The following NXPE2 variants were observed in gnomAD, a reference collection of about 807,000 sequenced individuals.
NXPE2 encodes neurexophilin and PC-esterase domain family member 2, also known as NXPE family member 2.
NXPE2 carries 34 observed loss-of-function variants against 34.4 expected under a neutral mutation model. The ratio of observed to expected loss-of-function variants is 0.99; its 90% confidence interval spans 0.75 to 1.31. NXPE2 has a LOEUF of 1.31. NXPE2 is among the 40% of genes most tolerant of loss of function. The probability of loss-of-function intolerance (pLI) is 0.00; values close to 1 mark genes in which losing one functional copy is unlikely to be tolerated. For missense variants in NXPE2, 649 were observed against 672.5 expected, an observed-to-expected ratio of 0.97 and a Z score of 0.39; for synonymous variants, 235 against 231.3, an observed-to-expected ratio of 1.02 and a Z score of -0.15.
the NXPE2 span, among the ~76,000 whole-genome samples, chr11:114,790,179 C>A: frequency 6.6e-6 from 1 of 152,136 alleles, no homozygotes; most frequent in Non-Finnish European, 1.5e-5. Flanking sequence ...CCTAATAGGG[C>A]TCAGCTAAGC....
At chr11:114,753,733 A>G in the NXPE2 span, among the ~76,000 whole-genome samples, 2 of 152,234 alleles carry the variant, frequency 1.3e-5, no homozygotes, top group African/African-American at 4.8e-5. Flanking sequence ...AGTGTGCCAA[A>G]TTAAATCGTA....
At chr11:114,470,667 T>C in the NXPE2 span, among the ~76,000 whole-genome samples, 4 of 151,486 alleles carry the variant, frequency 2.6e-5, no homozygotes, top group African/African-American at 9.7e-5. Context: ...CACATTATTG[T>C]GGGGGCTGGC....
At chr11:114,578,956 T>G in the NXPE2 span, among the ~76,000 whole-genome samples, 1 of 152,320 alleles carries the variant, frequency 6.6e-6, no homozygotes, top group Middle Eastern at 3.4e-3. Flanking sequence ...ATCCATTACT[T>G]CATTTAATCT....
At chr11:114,709,644 T>G (rs1163595697), downstream of NXPE2, among the ~76,000 whole-genome samples, 1 of 152,200 alleles carries the variant, frequency 6.6e-6, no homozygotes. Flanking sequence ...TGGTGGCTAG[T>G]GCCTATAATT....
At chr11:114,658,330 G>GA in the NXPE2 span, among the ~76,000 whole-genome samples, 1 of 152,196 alleles carries the variant, frequency 6.6e-6, no homozygotes, top group Admixed American at 6.5e-5. Context: ...TCTAAAGGCT[G>GA]AATGTGGGCT....
chr11:114,468,521 G>A, the NXPE2 span, among the ~76,000 whole-genome samples: 38,575 of 152,084 alleles, frequency 0.25, 5,033 homozygotes, highest in East Asian at 0.37. Flanking sequence ...CCCAGGGATT[G>A]TTTTAAATTA....
chr11:114,576,993 A>G, the NXPE2 span, among the ~76,000 whole-genome samples: 14,790 of 107,600 alleles, frequency 0.14, 1,101 homozygotes, highest in Admixed American at 0.21. Flanking sequence ...ATATATATAC[A>G]TATATATATA....
At chr11:114,486,395 A>AT in the NXPE2 span, among the ~76,000 whole-genome samples, 76 of 152,304 alleles carry the variant, frequency 5.0e-4, no homozygotes, top group African/African-American at 1.8e-3. Context: ...TATTCTGGTT[A>AT]TTAATGCCTT....
At chr11:114,603,975 G>T in the NXPE2 span, among the ~76,000 whole-genome samples, 1 of 151,516 alleles carries the variant, frequency 6.6e-6, no homozygotes, top group Non-Finnish European at 1.5e-5. Flanking sequence ...CTATTACCTG[G>T]TGGATAATAA....
At chr11:114,500,212 A>G in the NXPE2 span, among the ~76,000 whole-genome samples, 2 of 152,046 alleles carry the variant, frequency 1.3e-5, no homozygotes, top group Non-Finnish European at 2.9e-5. Context: ...TTTGTACCAT[A>G]TATATATTCC....
the NXPE2 span, among the ~76,000 whole-genome samples, chr11:114,565,961 G>A: frequency 6.6e-6 from 1 of 152,160 alleles, no homozygotes; most frequent in Non-Finnish European, 1.5e-5. Flanking sequence ...AGAACTTTGA[G>A]AGGAATGAGA....
chr11:114,778,833 C>T, the NXPE2 span, among the ~76,000 whole-genome samples: 1 of 152,204 alleles, frequency 6.6e-6, no homozygotes, highest in Non-Finnish European at 1.5e-5. Context: ...TGAACTATAA[C>T]CATCTCAGGC....
the NXPE2 span, chr11:114,583,776 T>G: frequency 4.4e-6 from 2 of 458,650 alleles, no homozygotes; most frequent in African/African-American, 4.0e-5. Context: ...TATGTTGACG[T>G]TGATATTCAC....
chr11:114,786,030 A>C, the NXPE2 span, among the ~76,000 whole-genome samples: 1 of 152,180 alleles, frequency 6.6e-6, no homozygotes, highest in Non-Finnish European at 1.5e-5. Flanking sequence ...TTCCCTCCAG[A>C]GAGAATAATG....
the NXPE2 span, among the ~76,000 whole-genome samples, chr11:114,605,567 C>T: frequency 1.1e-4 from 16 of 150,512 alleles, no homozygotes; most frequent in South Asian, 4.2e-4. Context: ...CACTGTTACC[C>T]GGTGGATAAT....
intron 3 of NXPE2, among the ~76,000 whole-genome samples, chr11:114,702,142 G>T (rs571121805): frequency 1.3e-5 from 2 of 152,216 alleles, no homozygotes; most frequent in African/African-American, 4.8e-5. Context: ...ACATAAATGA[G>T]GAGTTACCAT....
chr11:114,607,043 A>G, the NXPE2 span, among the ~76,000 whole-genome samples: 3 of 151,958 alleles, frequency 2.0e-5, no homozygotes, highest in Admixed American at 2.0e-4. Context: ...AGTGGATAAT[A>G]AGTATTGCCT....
the NXPE2 span, chr11:114,530,051 C>T: frequency 2.0e-6 from 2 of 1,004,928 alleles, no homozygotes; most frequent in Non-Finnish European, 2.9e-6. Context: ...CAAGAAGACA[C>T]CACATGTCTT....
chr11:114,585,611 A>G, the NXPE2 span, among the ~76,000 whole-genome samples: 28,674 of 151,898 alleles, frequency 0.19, 3,039 homozygotes, highest in African/African-American at 0.28. Context: ...GTGTGTGTGT[A>G]TATATATGTA....
Sources: gnomAD v4.1 joint callset for allele counts (sites outside exome capture counted in the v4.1 genomes callset) on GRCh38, gnomAD v4.1.1 for gene constraint, MANE v1.5 for transcripts, NCBI Gene and HGNC (gene_info 2026-07-23, HGNC 2026-07-21) for gene names.